MYO3B: variants seen among roughly 807,000 people sequenced by gnomAD.
The protein encoded by MYO3B is myosin IIIB.
In MYO3B, 156 loss-of-function variants were observed where a neutral mutation model predicts 174.6. The ratio of observed to expected loss-of-function variants is 0.89; its 90% CI spans 0.78 to 1.02. The LOEUF (loss-of-function observed/expected upper bound fraction) is 1.02, where lower values mean the gene tolerates loss of function less well. Ranked by LOEUF, MYO3B falls within the 50% of genes least tolerant of loss-of-function variation. The pLI is 0.00. For missense variants in MYO3B, 1,632 were observed against 1,639.4 expected, an observed-to-expected ratio of 1.00 and a Z score of 0.08; for synonymous variants, 563 against 569.1, an observed-to-expected ratio of 0.99 and a Z score of 0.15.
chr2:170,217,444 G>A lies in MYO3B; in HGVS notation c.603+49G>A, dbSNP rs772427671. The A allele has an allele frequency of 9.5e-6, 14 of 1,477,412 alleles. No homozygotes were observed. In the East Asian group the frequency reaches 2.3e-4, roughly 24 times the overall value. 91.5% of individuals were successfully genotyped at this position (1,477,412 alleles called of 1,614,324 possible). A position where few individuals can be genotyped will look rare whatever the true frequency, so the allele number is the denominator to read the frequency against. On this transcript the variant is annotated intron_variant, in intron 6 of 34. Coordinates refer to ENST00000408978, the MANE Select transcript of MYO3B (RefSeq NM_138995.5). ...TTCTTTGCACTTGTTGAATGCCTTG[G>A]TACTATGCCTTTTTATGGGTAAGTC...
intron 9 of MYO3B, among the ~76,000 whole-genome samples, chr2:170,375,511 G>T (rs1394041990): frequency 3.4e-5 from 5 of 147,780 alleles, no homozygotes; most frequent in Non-Finnish European, 6.0e-5. Context: ...AAGTTGCTGG[G>T]TTTTTTTTTT....
Position 170,422,977 on chromosome 2 carries a change from C to CTTTTTTTTTT in MYO3B, c.2650+15145_2650+15154dup, listed in dbSNP as rs34882424. On this transcript the variant is annotated intron_variant, in intron 22 of 34. Coordinates refer to ENST00000408978, the MANE Select transcript of MYO3B (RefSeq NM_138995.5). ...TTAGACCAACCATATTTCTTTCTTT[C>CTTTTTTTTTT]TTTTTTTTTTTTTTTTTTTTTGAGA... is the stretch of plus-strand genomic sequence containing the variant. 9.3e-3 allele frequency among the ~76,000 whole-genome samples: 820 copies of CTTTTTTTTTT among 88,494 alleles called. 29 individuals are homozygous for CTTTTTTTTTT. The highest frequency in any genetic ancestry group is 0.012 in the Admixed American group (68 of 5,690). 58.1% of individuals were successfully genotyped at this position (88,494 alleles called of 152,430 possible). A position where few individuals can be genotyped will look rare whatever the true frequency, so the allele number is the denominator to read the frequency against.
chr2:170,492,112 T>G (rs1226293397), intron 25 of MYO3B, among the ~76,000 whole-genome samples: 1 of 152,004 alleles, frequency 6.6e-6, no homozygotes, highest in Non-Finnish European at 1.5e-5. Flanking sequence ...TGTTAATGAC[T>G]AATATTTCCT....
At chr2:170,610,936 C>T (rs1695094511) in intron 32 of MYO3B, among the ~76,000 whole-genome samples, 1 of 152,118 alleles carries the variant, frequency 6.6e-6, no homozygotes, top group African/African-American at 2.4e-5. Flanking sequence ...TATTAATATT[C>T]TCCAAAGCTA....
At chr2:170,338,674 C>A (rs1232751089) in intron 8 of MYO3B, among the ~76,000 whole-genome samples, 1 of 152,136 alleles carries the variant, frequency 6.6e-6, no homozygotes, top group Non-Finnish European at 1.5e-5. Flanking sequence ...ATGATCTTGG[C>A]TCACTGCAAC....
chr2:170,440,508 T>G (rs909889101), intron 22 of MYO3B, among the ~76,000 whole-genome samples: 3 of 152,186 alleles, frequency 2.0e-5, no homozygotes, highest in African/African-American at 7.2e-5. Context: ...TTGATTAAAT[T>G]TATTCCTATT....
chr2:170,386,293 C>A (rs572861458), intron 13 of MYO3B, 21 bp downstream of exon 13: 2 of 1,596,928 alleles, frequency 1.3e-6, no homozygotes, highest in East Asian at 2.2e-5. Flanking sequence ...ATCTGCTTTA[C>A]GTATTGTGGC....
At chr2:170,225,210 C>T (rs993337968) in intron 6 of MYO3B, among the ~76,000 whole-genome samples, 5 of 152,166 alleles carry the variant, frequency 3.3e-5, no homozygotes, top group South Asian at 2.1e-4. Flanking sequence ...TACAACACTA[C>T]CAAAAAGGGG....
At chr2:170,280,811 C>T (rs1230681904) in intron 7 of MYO3B, among the ~76,000 whole-genome samples, 2 of 152,076 alleles carry the variant, frequency 1.3e-5, no homozygotes, top group African/African-American at 4.8e-5. Context: ...TTTCTGGGCT[C>T]TCCATTCTGT....
At chr2:170,223,288 A>G (rs1031347358) in intron 6 of MYO3B, among the ~76,000 whole-genome samples, 1 of 152,180 alleles carries the variant, frequency 6.6e-6, no homozygotes, top group Non-Finnish European at 1.5e-5. Flanking sequence ...CAGTCTTCCT[A>G]TTAGCCATGT....
intron 32 of MYO3B, among the ~76,000 whole-genome samples, chr2:170,589,058 G>A (rs1392941382): frequency 6.6e-6 from 1 of 152,070 alleles, no homozygotes; most frequent in Admixed American, 6.5e-5. Flanking sequence ...TACTGGAACT[G>A]GAACAAGAAC....
intron 32 of MYO3B, among the ~76,000 whole-genome samples, chr2:170,628,550 C>G (rs139525893): frequency 6.6e-6 from 1 of 152,176 alleles, no homozygotes; most frequent in East Asian, 1.9e-4. Flanking sequence ...CTGCACCCAC[C>G]GTCCGACAAG....
chr2:170,632,280 T>C (rs1047935395), intron 32 of MYO3B, among the ~76,000 whole-genome samples: 4 of 152,204 alleles, frequency 2.6e-5, no homozygotes, highest in African/African-American at 7.2e-5. Flanking sequence ...CATAACAAAC[T>C]GTCTCTCAGA....
chr2:170,543,789 T>G (rs902836406), intron 31 of MYO3B, 103 bp from the exon 32 acceptor site: 15 of 806,914 alleles, frequency 1.9e-5, no homozygotes, highest in Non-Finnish European at 2.9e-5. Context: ...GCCTCTTGCT[T>G]TTAGTCAGGT....
At position 170,520,522 on chromosome 2, in the gene MYO3B, T is replaced by TAA. The variant is rs941292502; in HGVS notation, c.3575+983_3575+984dup. Among the ~76,000 whole-genome samples the TAA allele has an allele frequency of 2.6e-5, 4 of 151,876 alleles. No homozygotes were observed. In the East Asian group the frequency reaches 5.8e-4, roughly 22 times the overall value. On this transcript the variant is annotated intron_variant, in intron 30 of 34. Transcript: ENST00000408978. Reference sequence around the variant, plus strand: ...ATATACACACACACACATATATATATAATCTCATTTGGGGGAGATATATAT... The same window carrying TAA: ...ATATACACACACACACATATATATATAAAATCTCATTTGGGGGAGATATATAT...
intron 8 of MYO3B, among the ~76,000 whole-genome samples, chr2:170,357,339 T>TTATATA (rs10675765): frequency 3.4e-4 from 49 of 145,400 alleles, no homozygotes; most frequent in African/African-American, 1.2e-3. Context: ...ATAATATATA[T>TTATATA]TATATATATA....
intron 14 of MYO3B, 104 bp downstream of exon 14, chr2:170,387,412 T>C (rs2094384582): frequency 3.9e-6 from 4 of 1,022,830 alleles, no homozygotes; most frequent in Non-Finnish European, 5.8e-6. Context: ...AACATTCCCC[T>C]ACCCTCCCCA....
intron 8 of MYO3B, chr2:170,338,164 C>G (rs1574810923): frequency 6.6e-6 from 1 of 152,108 alleles, no homozygotes; most frequent in Non-Finnish European, 1.5e-5. Flanking sequence ...GTCTTGAATA[C>G]TAGAATGGAG....
chr2:170,346,557 C>T (rs1281161734), intron 8 of MYO3B: 1 of 152,092 alleles, frequency 6.6e-6, no homozygotes, highest in Non-Finnish European at 1.5e-5. Flanking sequence ...TTTCTTCCCT[C>T]CCTACCTTCC....
Sources: gnomAD v4.1 joint callset for allele counts (sites outside exome capture counted in the v4.1 genomes callset) on GRCh38, gnomAD v4.1.1 for gene constraint, MANE v1.5 for transcripts, NCBI Gene and HGNC (gene_info 2026-07-23, HGNC 2026-07-21) for gene names.